The following NTM variants were observed in gnomAD, a reference collection of about 807,000 sequenced individuals.
NTM encodes the protein IgLON family member 2.
NTM carries 13 observed loss-of-function variants against 42.1 expected under a neutral mutation model. The observed-to-expected ratio is 0.31, with a 90% CI of 0.20 to 0.49. NTM has a LOEUF of 0.49. Among genes scored for constraint, NTM ranks in the 20% least tolerant of loss-of-function variants. The probability of loss-of-function intolerance (pLI) is 0.99; values close to 1 mark genes in which losing one functional copy is unlikely to be tolerated. For missense variants in NTM, 373 were observed against 452.8 expected, an observed-to-expected ratio of 0.82 and a Z score of 1.60; for synonymous variants, 187 against 179.2, an observed-to-expected ratio of 1.04 and a Z score of -0.35.
intron 7 of NTM, among the ~76,000 whole-genome samples, chr11:132,327,697 G>T (rs978402100): frequency 1.3e-5 from 2 of 152,102 alleles, no homozygotes; most frequent in Non-Finnish European, 2.9e-5. Flanking sequence ...TCTGGATTGA[G>T]CAGACATTGA....
At position 132,216,196 on chromosome 11, in the gene NTM, C is replaced by T. The variant is rs75619682; in HGVS notation, c.526+4049C>T. On this transcript the variant is annotated intron_variant, in intron 4 of 8. Coordinates refer to ENST00000683400, the MANE Select transcript of NTM (RefSeq NM_001352005.2). ...CACTATGTAAATAGAAGCATGATCT[C>T]TTTCAATATACTCCAAAAGATGCTG... is the stretch of plus-strand genomic sequence containing the variant. Among the ~76,000 whole-genome samples the T allele has an allele frequency of 2.4e-3, 361 of 152,358 alleles. 1 individual carries two copies. Among genetic ancestry groups the T allele is most frequent in the African/African-American group, 8.2e-3 (343 of 41,582 alleles).
At chr11:131,906,982 G>A (rs2053958429) in intron 1 of NTM, among the ~76,000 whole-genome samples, 1 of 152,078 alleles carries the variant, frequency 6.6e-6, no homozygotes, top group East Asian at 1.9e-4. Context: ...CTTCCCTACT[G>A]CCCTAGAGGC....
intron 1 of NTM, among the ~76,000 whole-genome samples, chr11:131,692,125 C>T (rs990263105): frequency 3.9e-5 from 6 of 152,194 alleles, no homozygotes; most frequent in African/African-American, 7.2e-5. Context: ...TTTACAACCT[C>T]GGTCTTTCTC....
At chr11:131,714,971 C>T (rs527842387) in intron 1 of NTM, among the ~76,000 whole-genome samples, 4 of 152,346 alleles carry the variant, frequency 2.6e-5, no homozygotes, top group East Asian at 1.9e-4. Flanking sequence ...AGTGGTCATA[C>T]AGTCACACTT....
At chr11:131,609,118 A>C (rs1355225082) in intron 1 of NTM, among the ~76,000 whole-genome samples, 1 of 152,202 alleles carries the variant, frequency 6.6e-6, no homozygotes, top group Non-Finnish European at 1.5e-5. Flanking sequence ...TTTTCTCTGA[A>C]CCTCGGGAGG....
chr11:131,481,809 T>A (rs1461382556), intron 1 of NTM, among the ~76,000 whole-genome samples: 1 of 152,102 alleles, frequency 6.6e-6, no homozygotes, highest in Non-Finnish European at 1.5e-5. Context: ...TAAAAAAAAT[T>A]AAAAAATAAA....
At chr11:131,794,837 A>C in intron 1 of NTM, 1 of 985,448 alleles carries the variant, frequency 1.0e-6, no homozygotes, top group Non-Finnish European at 1.2e-6. Flanking sequence ...GAAAAAGCCC[A>C]GGCAGAAAGC....
At chr11:131,425,851 C>T (rs1948081954) in intron 1 of NTM, among the ~76,000 whole-genome samples, 1 of 151,360 alleles carries the variant, frequency 6.6e-6, no homozygotes, top group South Asian at 2.1e-4. Context: ...TCGGTAAGTT[C>T]TTGGGAGGAA....
intron 2 of NTM, among the ~76,000 whole-genome samples, chr11:131,975,190 C>CT (rs143357935): frequency 0.15 from 23,279 of 151,142 alleles, 2,114 homozygotes; most frequent in East Asian, 0.47. Context: ...ATCTTGCCTT[C>CT]TTTTTTTTTG....
At chr11:131,503,785 C>T (rs1162675124) in intron 1 of NTM, among the ~76,000 whole-genome samples, 1 of 152,134 alleles carries the variant, frequency 6.6e-6, no homozygotes, top group Non-Finnish European at 1.5e-5. Context: ...GTTAGGACTA[C>T]AGGTGCGAGC....
At chr11:131,796,525 C>T (rs1054499298) in intron 1 of NTM, among the ~76,000 whole-genome samples, 1 of 152,210 alleles carries the variant, frequency 6.6e-6, no homozygotes, top group Non-Finnish European at 1.5e-5. Context: ...GGGGCAAGTG[C>T]CTGTCCCCTT....
At chr11:131,912,780 G>A (rs2055440920) in intron 2 of NTM, among the ~76,000 whole-genome samples, 1 of 152,188 alleles carries the variant, frequency 6.6e-6, no homozygotes, top group Admixed American at 6.5e-5. Context: ...TGGTGCTGGT[G>A]TCTACTGTTT....
intron 1 of NTM, among the ~76,000 whole-genome samples, chr11:131,682,207 G>GATC (rs2073072310): frequency 6.6e-6 from 1 of 152,180 alleles, no homozygotes; most frequent in South Asian, 2.1e-4. Context: ...GCCTTCCTCT[G>GATC]TGAGCTACTG....
intron 1 of NTM, among the ~76,000 whole-genome samples, chr11:131,898,474 T>C (rs1387470110): frequency 6.6e-6 from 1 of 152,254 alleles, no homozygotes; most frequent in Non-Finnish European, 1.5e-5. Context: ...TTTCTGTTCT[T>C]TTGAAATTGT....
intron 1 of NTM, among the ~76,000 whole-genome samples, chr11:131,747,617 C>T (rs1178765135): frequency 1.3e-5 from 2 of 152,154 alleles, no homozygotes; most frequent in Non-Finnish European, 2.9e-5. Context: ...AAATGTCAAA[C>T]AGTTCTGTGG....
chr11:131,761,658 A>T (rs1034488838), intron 1 of NTM, among the ~76,000 whole-genome samples: 11 of 151,844 alleles, frequency 7.2e-5, no homozygotes, highest in African/African-American at 2.4e-4. Flanking sequence ...AACACAAAAA[A>T]ATTAGCCAGG....
At chr11:131,791,650 A>G (rs141838169) in intron 1 of NTM, among the ~76,000 whole-genome samples, 1 of 152,350 alleles carries the variant, frequency 6.6e-6, no homozygotes, top group Non-Finnish European at 1.5e-5. Flanking sequence ...GGACAGTCTT[A>G]CTTGCCATTC....
intron 1 of NTM, among the ~76,000 whole-genome samples, chr11:131,626,084 A>T (rs1030651590): frequency 6.6e-6 from 1 of 152,156 alleles, no homozygotes; most frequent in Non-Finnish European, 1.5e-5. Flanking sequence ...GATGAGATAA[A>T]TTCAATTTAT....
rs2055070730 is a variant in NTM, at chr11:131,911,741, G to A, written c.167+93G>A. On this transcript the variant is annotated intron_variant, in intron 2 of 8. Transcript: ENST00000683400. Reference sequence around the variant, plus strand: ...GGTGTGTGCACTGAGGCGTGCCTGGGTTGGCGGAGAGGTCGCTGGTTCCCT... The same window carrying A: ...GGTGTGTGCACTGAGGCGTGCCTGGATTGGCGGAGAGGTCGCTGGTTCCCT... 3 of 1,500,450 alleles carry A rather than the reference G, an allele frequency of 2.0e-6. No individual in the cohort carries two copies. The South Asian group carries it at 3.6e-5, about 18-fold the overall frequency. 92.9% of individuals were successfully genotyped at this position (1,500,450 alleles called of 1,614,324 possible). A position where few individuals can be genotyped will look rare whatever the true frequency, so the allele number is the denominator to read the frequency against.
Sources: gnomAD v4.1 joint callset for allele counts (sites outside exome capture counted in the v4.1 genomes callset) on GRCh38, gnomAD v4.1.1 for gene constraint, MANE v1.5 for transcripts, NCBI Gene and HGNC (gene_info 2026-07-23, HGNC 2026-07-21) for gene names.